Variants in FAAH2 observed in about 807,000 individuals in gnomAD.
The protein encoded by FAAH2 is fatty acid amide hydrolase 2.
Under a neutral mutation model 36.9 loss-of-function variants are expected in FAAH2, and 60 were observed. The observed-to-expected ratio is 1.63, with a 90% confidence interval of 1.32 to 2.02. The LOEUF is 2.02. Among genes scored for constraint, FAAH2 ranks in the 30% most tolerant of loss-of-function variants. FAAH2 has a pLI of 0.00. For missense variants in FAAH2, 689 were observed against 397.5 expected (o/e 1.73, Z -6.23); for synonymous variants, 214 against 143.8 (o/e 1.49, Z -3.49).
At chrX:57,159,333 G>C in the FAAH2 span, among the ~76,000 whole-genome samples, 1 of 111,546 alleles carries the variant, frequency 9.0e-6, no homozygotes, top group South Asian at 3.8e-4. Flanking sequence ...GCTGTTTTTT[G>C]GTTCCATATG....
At chrX:57,271,351 A>G in the FAAH2 span, among the ~76,000 whole-genome samples, 1 of 112,295 alleles carries the variant, frequency 8.9e-6, no homozygotes, top group Non-Finnish European at 1.9e-5. Flanking sequence ...AGCAGACATA[A>G]AAGTTCCTGC....
At chrX:57,441,178 T>C (rs1277433855) in intron 8 of FAAH2, among the ~76,000 whole-genome samples, 1 of 111,966 alleles carries the variant, frequency 8.9e-6, no homozygotes, top group East Asian at 2.8e-4. Context: ...TCAGAGGGAA[T>C]GGTACTAGCT....
the FAAH2 span, among the ~76,000 whole-genome samples, chrX:57,270,262 A>T: frequency 1.8e-5 from 2 of 111,717 alleles, no homozygotes; most frequent in African/African-American, 6.5e-5. Flanking sequence ...GACCAGATGG[A>T]TTCATGGCTG....
the FAAH2 span, among the ~76,000 whole-genome samples, chrX:57,252,281 G>A: frequency 8.9e-6 from 1 of 112,894 alleles, no homozygotes; most frequent in Middle Eastern, 4.7e-3. Context: ...AAGACGTACT[G>A]CCTTTCTAGA....
intron 10 of FAAH2, among the ~76,000 whole-genome samples, chrX:57,474,336 T>G (rs957530358): frequency 2.7e-5 from 3 of 111,145 alleles, no homozygotes; most frequent in Non-Finnish European, 3.8e-5. Flanking sequence ...ATTAGGTATT[T>G]GTCCAAATGC....
chrX:57,191,685 G>A, the FAAH2 span, among the ~76,000 whole-genome samples: 1 of 111,897 alleles, frequency 8.9e-6, no homozygotes, highest in Non-Finnish European at 1.9e-5. Context: ...TAGGGTTCTA[G>A]TTTCCTTCTT....
At chrX:57,430,540 A>G (rs986215578) in intron 7 of FAAH2, among the ~76,000 whole-genome samples, 1 of 111,523 alleles carries the variant, frequency 9.0e-6, no homozygotes, top group African/African-American at 3.3e-5. Context: ...ATTTTGTTCA[A>G]TTGACCTAGG....
intron 7 of FAAH2, among the ~76,000 whole-genome samples, chrX:57,418,963 C>A (rs1249026471): frequency 2.0e-5 from 2 of 100,409 alleles, no homozygotes; most frequent in South Asian, 1.0e-3. Context: ...TGAGAACATG[C>A]GGTGTTTGGT....
chrX:57,363,113 T>A (rs1382674003), intron 5 of FAAH2, among the ~76,000 whole-genome samples: 2 of 112,112 alleles, frequency 1.8e-5, no homozygotes, highest in Non-Finnish European at 3.8e-5. Context: ...CTGCAATAAC[T>A]CACATTGAGA....
At chrX:57,333,502 A>G (rs751755528) in intron 4 of FAAH2, among the ~76,000 whole-genome samples, 1 of 111,777 alleles carries the variant, frequency 8.9e-6, no homozygotes, top group African/African-American at 3.2e-5. Flanking sequence ...TTAATATAGT[A>G]AGGGCTATAA....
intron 10 of FAAH2, among the ~76,000 whole-genome samples, chrX:57,481,208 TTTG>T (rs920957090): frequency 1.8e-5 from 2 of 110,811 alleles, no homozygotes; most frequent in Non-Finnish European, 3.8e-5. Context: ...CTCAGAGGAG[TTTG>T]TTATTACCTA....
At chrX:57,376,109 A>T (rs1353563341) in intron 5 of FAAH2, among the ~76,000 whole-genome samples, 1 of 111,355 alleles carries the variant, frequency 9.0e-6, no homozygotes, top group Non-Finnish European at 1.9e-5. Flanking sequence ...ATCTACTATA[A>T]CTGTAGTATA....
intron 4 of FAAH2, among the ~76,000 whole-genome samples, chrX:57,334,423 T>G (rs1352789106): frequency 1.8e-5 from 2 of 110,533 alleles, no homozygotes; most frequent in East Asian, 5.7e-4. Context: ...ATTGACAGAA[T>G]TTGTTACCAG....
chrX:57,413,805 T>C (rs2055763831), intron 7 of FAAH2, among the ~76,000 whole-genome samples: 1 of 112,144 alleles, frequency 8.9e-6, no homozygotes, highest in African/African-American at 3.2e-5. Context: ...TTGGGCAGTA[T>C]GGCCATTTTC....
intron 10 of FAAH2, among the ~76,000 whole-genome samples, chrX:57,470,788 C>A (rs1162394579): frequency 9.0e-6 from 1 of 111,178 alleles, no homozygotes; most frequent in East Asian, 2.8e-4. Context: ...GGCAGAGACA[C>A]AACCAAAAAA....
chrX:57,235,515 A>T, the FAAH2 span, among the ~76,000 whole-genome samples: 2 of 111,925 alleles, frequency 1.8e-5, no homozygotes, highest in African/African-American at 6.5e-5. Flanking sequence ...GATTTTATAT[A>T]TTTACACTTC....
chrX:57,376,080 T>A (rs1171656314), intron 5 of FAAH2, among the ~76,000 whole-genome samples: 1 of 111,481 alleles, frequency 9.0e-6, no homozygotes, highest in Non-Finnish European at 1.9e-5. Flanking sequence ...TGTTTCATTA[T>A]CTTAATCCTT....
chrX:57,164,296 G>A, the FAAH2 span, among the ~76,000 whole-genome samples: 1 of 111,757 alleles, frequency 8.9e-6, no homozygotes, highest in Non-Finnish European at 1.9e-5. Flanking sequence ...GTGCCCAATG[G>A]GCCTATTATA....
chrX:57,151,642 A>T, the FAAH2 span, among the ~76,000 whole-genome samples: 11 of 110,611 alleles, frequency 9.9e-5, no homozygotes, highest in Admixed American at 1.1e-3. Context: ...TGCATTGGTG[A>T]TTCTAGGTAT....
Sources: gnomAD v4.1 joint callset for allele counts (sites outside exome capture counted in the v4.1 genomes callset) on GRCh38, gnomAD v4.1.1 for gene constraint, MANE v1.5 for transcripts, NCBI Gene and HGNC (gene_info 2026-07-23, HGNC 2026-07-21) for gene names.